The following STXBP5L variants were observed in gnomAD, a reference collection of about 807,000 sequenced individuals.
The protein encoded by STXBP5L is syntaxin binding protein 5L.
A neutral mutation model predicts 144.5 loss-of-function variants in STXBP5L; 65 were observed. The ratio of observed to expected loss-of-function variants is 0.45; its 90% CI spans 0.37 to 0.55. STXBP5L has a LOEUF of 0.55. STXBP5L is among the 20% of genes least tolerant of loss of function. STXBP5L has a pLI of 0.00. For missense variants in STXBP5L, 1,298 were observed against 1,405.5 expected, an observed-to-expected ratio of 0.92 and a Z score of 1.22; for synonymous variants, 505 against 469.6, an observed-to-expected ratio of 1.08 and a Z score of -0.97.
chr3:121,197,987 T>A (rs183019092), intron 9 of STXBP5L, among the ~76,000 whole-genome samples: 1 of 152,356 alleles, frequency 6.6e-6, no homozygotes. Flanking sequence ...GTAGAATTAT[T>A]TATAATCCTT....
At chr3:121,017,544 A>T (rs1945228550) in intron 3 of STXBP5L, among the ~76,000 whole-genome samples, 1 of 152,254 alleles carries the variant, frequency 6.6e-6, no homozygotes, top group South Asian at 2.1e-4. Flanking sequence ...CATCCCACAG[A>T]ATCAACAAAA....
At chr3:120,959,859 A>T (rs956952054) in intron 3 of STXBP5L, among the ~76,000 whole-genome samples, 5 of 152,144 alleles carry the variant, frequency 3.3e-5, no homozygotes, top group African/African-American at 9.7e-5. Context: ...GGACTTCATG[A>T]CTAAAACACC....
At chr3:121,298,098 T>G (rs1027546410) in intron 19 of STXBP5L, among the ~76,000 whole-genome samples, 1 of 152,174 alleles carries the variant, frequency 6.6e-6, no homozygotes, top group African/African-American at 2.4e-5. Context: ...TGCCCACCAA[T>G]AGTGCACAAT....
rs369092858 is a variant in STXBP5L, at chr3:121,268,561, AG to A, written c.1958+9394del. 5.7e-3 allele frequency among the ~76,000 whole-genome samples: 870 copies of A among 152,318 alleles called. 10 individuals carry two copies. The highest frequency in any genetic ancestry group is 0.019 in the African/African-American group (781 of 41,562). ...CCAGAACTTAAAGTATAATAAAAAAAGAATAACTGAAAGATATATATTGATT... is the reference window on the plus strand; with the variant it reads ...CCAGAACTTAAAGTATAATAAAAAAAAATAACTGAAAGATATATATTGATT... On this transcript the variant is annotated intron_variant, in intron 18 of 26. Transcript: ENST00000471454.
intron 22 of STXBP5L, among the ~76,000 whole-genome samples, chr3:121,389,120 A>C (rs1274610198): frequency 1.3e-5 from 2 of 152,070 alleles, no homozygotes; most frequent in Non-Finnish European, 2.9e-5. Flanking sequence ...TAGTCTTGGG[A>C]GGGTGTATGT....
intron 18 of STXBP5L, among the ~76,000 whole-genome samples, chr3:121,268,585 A>T (rs1179153828): frequency 1.3e-5 from 2 of 152,142 alleles, no homozygotes; most frequent in Admixed American, 1.3e-4. Context: ...ATATATATTG[A>T]TTATTACCAT....
intron 19 of STXBP5L, among the ~76,000 whole-genome samples, chr3:121,298,744 C>T (rs191243798): frequency 6.4e-4 from 98 of 152,150 alleles, no homozygotes; most frequent in Non-Finnish European, 9.9e-4. Context: ...ATAATGATTG[C>T]CAGGATCTGT....
chr3:121,250,172 G>A (rs1263809324), intron 14 of STXBP5L, among the ~76,000 whole-genome samples: 1 of 151,904 alleles, frequency 6.6e-6, no homozygotes, highest in Non-Finnish European at 1.5e-5. Flanking sequence ...ATGTTTTTAT[G>A]TGGTTTTGGT....
At chr3:121,184,591 G>A (rs1194147622) in intron 9 of STXBP5L, among the ~76,000 whole-genome samples, 1 of 152,070 alleles carries the variant, frequency 6.6e-6, no homozygotes, top group Non-Finnish European at 1.5e-5. Flanking sequence ...ACATTTGATT[G>A]GTGTACCTGA....
intron 2 of STXBP5L, among the ~76,000 whole-genome samples, chr3:120,920,862 C>T (rs149275244): frequency 6.6e-6 from 1 of 151,724 alleles, no homozygotes; most frequent in South Asian, 2.1e-4. Flanking sequence ...TGTATATATA[C>T]CATATTTTCT....
At chr3:121,094,155 G>T (rs2042984540) in intron 5 of STXBP5L, among the ~76,000 whole-genome samples, 3 of 152,086 alleles carry the variant, frequency 2.0e-5, no homozygotes, top group Admixed American at 2.0e-4. Context: ...TATAATTTCT[G>T]TTCTTTTACA....
At chr3:121,325,337 T>TA (rs1389979649) in intron 20 of STXBP5L, among the ~76,000 whole-genome samples, 8 of 152,082 alleles carry the variant, frequency 5.3e-5, no homozygotes, top group Non-Finnish European at 1.0e-4. Flanking sequence ...TTCTCTTATG[T>TA]AATACAACAC....
chr3:121,186,630 C>A (rs2047393812), intron 9 of STXBP5L, among the ~76,000 whole-genome samples: 1 of 152,130 alleles, frequency 6.6e-6, no homozygotes. Context: ...AGCCTTGCAT[C>A]CCAGGGATGA....
chr3:121,351,667 T>C (rs1309490250), intron 20 of STXBP5L, among the ~76,000 whole-genome samples: 1 of 152,184 alleles, frequency 6.6e-6, no homozygotes, highest in Non-Finnish European at 1.5e-5. Context: ...GTAGTTTCTC[T>C]TGCTGTGCAG....
intron 18 of STXBP5L, among the ~76,000 whole-genome samples, chr3:121,266,973 C>T (rs747842705): frequency 1.3e-5 from 2 of 151,728 alleles, no homozygotes; most frequent in Non-Finnish European, 3.0e-5. Context: ...AGGACACAAA[C>T]AGATGGAAAA....
intron 19 of STXBP5L, chr3:121,282,316 C>T (rs763157465): frequency 2.2e-5 from 36 of 1,611,532 alleles, no homozygotes; most frequent in Non-Finnish European, 2.6e-5. Flanking sequence ...TTTAACGAAA[C>T]GGATCCGTAC....
chr3:121,148,454 A>C (rs2045801100), intron 7 of STXBP5L, among the ~76,000 whole-genome samples: 1 of 152,170 alleles, frequency 6.6e-6, no homozygotes, highest in Admixed American at 6.6e-5. Context: ...ATCTCTTGGT[A>C]CACTAGGGAA....
At chr3:121,253,784 C>A (rs1397951708) in intron 15 of STXBP5L, among the ~76,000 whole-genome samples, 1 of 147,920 alleles carries the variant, frequency 6.8e-6, no homozygotes, top group Non-Finnish European at 1.5e-5. Context: ...GCGCCCGCCA[C>A]CACGCCCCGC....
chr3:121,093,575 A>G (rs1157324584), intron 5 of STXBP5L, among the ~76,000 whole-genome samples: 2 of 152,178 alleles, frequency 1.3e-5, no homozygotes, highest in Non-Finnish European at 2.9e-5. Context: ...TGTTTGTAGT[A>G]TTCGCTGATG....
Sources: gnomAD v4.1 joint callset for allele counts (sites outside exome capture counted in the v4.1 genomes callset) on GRCh38, gnomAD v4.1.1 for gene constraint, MANE v1.5 for transcripts, NCBI Gene and HGNC (gene_info 2026-07-23, HGNC 2026-07-21) for gene names.